FLNC: variants seen among roughly 807,000 people sequenced by gnomAD.
The protein encoded by FLNC is filamin C.
FLNC carries 91 observed loss-of-function variants against 254.3 expected under a neutral mutation model. That is an observed-to-expected ratio of 0.36 (90% CI 0.30 to 0.43). FLNC has a LOEUF of 0.43. Among genes scored for constraint, FLNC ranks in the 20% least tolerant of loss-of-function variants. The probability of loss-of-function intolerance (pLI) is 1.00; values close to 1 mark genes in which losing one functional copy is unlikely to be tolerated. For missense variants in FLNC, 2,853 were observed against 3,802.6 expected, an observed-to-expected ratio of 0.75 and a Z score of 6.57; for synonymous variants, 1,430 against 1,577.2, an observed-to-expected ratio of 0.91 and a Z score of 2.21.
rs1263136940 is a variant in FLNC, at chr7:128,837,154, C to G, written c.602-6C>G. The G allele has an allele frequency of 6.3e-7, 1 of 1,589,486 alleles. No homozygotes were observed. ...TCACCATCGTCTCCCTCCATCACCT[C>G]TCCAGGTCTCTGCCCCGACTGGGAG... On this transcript the variant is annotated splice_polypyrimidine_tract_variant and splice_region_variant and intron_variant, in intron 2 of 47. Coordinates refer to ENST00000325888, the MANE Select transcript of FLNC (RefSeq NM_001458.5).
chr7:128,837,333 G>A (rs2128934108), intron 3 of FLNC, 65 bp from the exon 4 acceptor site: 1 of 1,611,808 alleles, frequency 6.2e-7, no homozygotes, highest in Non-Finnish European at 8.5e-7. Flanking sequence ...TGGCCAGGGT[G>A]CAGGGGGAGA....
At position 128,852,917 on chromosome 7, in the gene FLNC, C is replaced by G. The variant is rs773543205; in HGVS notation, c.6094C>G (p.Leu2032Val). Residue 2032 changes from leucine (L) to valine (V), a missense_variant, in exon 37 of 48, where the codon CTG (leucine) becomes GTG (valine). This residue lies in a region of FLNC where 551 missense variants were observed against 835.0 expected (regional missense o/e 0.66). Coordinates refer to ENST00000325888, the MANE Select transcript of FLNC (RefSeq NM_001458.5). ...TGTCACCAACAGCCCCTTCAAGATC[C>G]TGGTGGGGCCATCTGAGATCGGGGA... is the stretch of plus-strand genomic sequence containing the variant. ...KHVTNSPFKI[L>V]VGPSEIGDAS... 11 of 1,613,702 alleles carry G rather than the reference C, an allele frequency of 6.8e-6. No individual in the cohort carries two copies. The highest frequency in any genetic ancestry group is 9.3e-6 in the Non-Finnish European group (11 of 1,180,022).
Position 128,848,673 on chromosome 7 carries a change from G to A in FLNC, c.4693G>A (p.Asp1565Asn), listed in dbSNP as rs1808669689. 5.0e-6 allele frequency: 8 copies of A among 1,613,278 alleles called. No individual in the cohort carries two copies. Among genetic ancestry groups the A allele is most frequent in the South Asian group, 2.2e-5 (2 of 91,074 alleles). ...CAGCCTGCCTGTGGAGTTCACCATC[G>A]ACGCACGGGACGCGGGCGAGGGGTT... ...PASLPVEFTI[D>N]ARDAGEGLLT... Residue 1565 changes from aspartate (D) to asparagine (N), a missense_variant, in exon 27 of 48, where the codon GAC (aspartate) becomes AAC (asparagine). Physicochemically the swap from Asp to Asn is conservative, Grantham distance 23. Around this residue, in one of 10 missense-constraint regions of FLNC, gnomAD observed 1,573 missense variants for 1,883.5 expected, o/e 0.84. Transcript: ENST00000325888.
Position 128,852,660 on chromosome 7 carries a change from A to C in FLNC, c.5912A>C (p.Glu1971Ala). ...ACGGACGTGTCACTGAAGATCACCGAGAGTGATCTGAGCCAGCTGACCGCC... is the reference window on the plus strand; with the variant it reads ...ACGGACGTGTCACTGAAGATCACCGCGAGTGATCTGAGCCAGCTGACCGCC... ...TSTDVSLKIT[E>A]SDLSQLTASI... is the part of the protein sequence containing the mutation. The change falls in exon 36 of 48, where the codon GAG becomes GCG. Residue 1971 changes from glutamate (E) to alanine (A), a missense_variant. Physicochemically the swap from Glu to Ala is moderately radical, Grantham distance 107. Around this residue, in one of 10 missense-constraint regions of FLNC, gnomAD observed 551 missense variants for 835.0 expected, o/e 0.66. Coordinates refer to ENST00000325888, the MANE Select transcript of FLNC (RefSeq NM_001458.5). 1 of 1,613,186 alleles carries C rather than the reference A, an allele frequency of 6.2e-7. No homozygotes were observed. Among genetic ancestry groups the C allele is most frequent in the South Asian group, 1.1e-5 (1 of 91,066 alleles).
chr7:128,850,291 T>G, intron 31 of FLNC, 93 bp from the exon 32 acceptor site: 1 of 1,137,450 alleles, frequency 8.8e-7, no homozygotes. Flanking sequence ...ATTAACTACC[T>G]TGTTCTTTCC....
Position 128,850,881 on chromosome 7 carries a change from A to G in FLNC, c.5477A>G (p.Tyr1826Cys), listed in dbSNP as rs756197388. 3.2e-5 allele frequency: 51 copies of G among 1,613,356 alleles called. No individual in the cohort carries two copies. The highest frequency in any genetic ancestry group is 4.1e-5 in the Non-Finnish European group (48 of 1,179,950). The change falls in exon 33 of 48, where the codon TAT becomes TGT. Residue 1826 changes from tyrosine (Y) to cysteine (C), a missense_variant. Coordinates refer to ENST00000325888, the MANE Select transcript of FLNC (RefSeq NM_001458.5). The stretch of plus-strand genomic sequence containing the variant: ...AAGGACGGCACCATCACGGTGAGGT[A>G]TGCACCCACTGAGAAAGGCCTGCAC... ...DNKDGTITVR[Y>C]APTEKGLHQM...
chr7:128,856,948 G>T lies in FLNC; in HGVS notation c.7561+27G>T, dbSNP rs1230578418. On this transcript the variant is annotated intron_variant, in intron 45 of 47. Coordinates refer to ENST00000325888, the MANE Select transcript of FLNC (RefSeq NM_001458.5). The surrounding 1 kb of genome is among the most constrained non-coding windows in gnomAD (Gnocchi z 5.9). The stretch of plus-strand genomic sequence containing the variant: ...TGAGTGCCTGGAGCTGGGGAACAGG[G>T]TGACTTCTGGGGGTGCTTGGCCACT... The T allele has an allele frequency of 6.2e-7, 1 of 1,611,932 alleles. No individual in the cohort carries two copies. The highest frequency in any genetic ancestry group is 8.5e-7 in the Non-Finnish European group (1 of 1,178,640).
chr7:128,833,115 G>GC (rs1386884098), intron 1 of FLNC, among the ~76,000 whole-genome samples: 1 of 152,198 alleles, frequency 6.6e-6, no homozygotes, highest in Non-Finnish European at 1.5e-5. Flanking sequence ...AAGGAGCTGT[G>GC]CCCTTCATAT....
Position 128,856,476 on chromosome 7 carries a change from C to A in FLNC, c.7252-42C>A. 6.2e-7 allele frequency: 1 copy of A among 1,606,180 alleles called. No homozygotes were observed. The stretch of plus-strand genomic sequence containing the variant: ...GGCTTCAGAGAAGACTGCTCCAGCC[C>A]CGGCCTCCCAGGAGTCTGAGCATCC... On this transcript the variant is annotated intron_variant, in intron 43 of 47. Coordinates refer to ENST00000325888, the MANE Select transcript of FLNC (RefSeq NM_001458.5). The surrounding 1 kb of genome is among the most constrained non-coding windows in gnomAD (Gnocchi z 5.9).
Position 128,852,636 on chromosome 7 carries a change from C to A in FLNC, c.5888C>A (p.Thr1963Lys), listed in dbSNP as rs772580545. The A allele has an allele frequency of 1.9e-6, 3 of 1,613,312 alleles. No individual in the cohort carries two copies. The highest frequency in any genetic ancestry group is 2.5e-6 in the Non-Finnish European group (3 of 1,180,020). ...RTSQLNVGTS[T>K]DVSLKITESD... ...TCACAGCTGAATGTGGGCACCTCCA[C>A]GGACGTGTCACTGAAGATCACCGAG... Residue 1963 changes from threonine to lysine, a missense_variant, in exon 36 of 48, where the codon ACG (threonine) becomes AAG (lysine). Thr to Lys is a moderately conservative substitution (Grantham distance 78, BLOSUM62 -1). Transcript: ENST00000325888.
chr7:128,848,218 CG>C (rs1425057877), intron 26 of FLNC, 150 bp downstream of exon 26: 3 of 1,069,164 alleles, frequency 2.8e-6, no homozygotes, highest in Non-Finnish European at 4.2e-6. Flanking sequence ...CGCTCTTCCC[CG>C]GGGCTCTCTG....
chr7:128,852,640 C>T lies in FLNC; in HGVS notation c.5892C>T (p.Asp1964=), dbSNP rs747546440. The T allele has an allele frequency of 6.3e-5, 101 of 1,613,164 alleles. No homozygotes were observed. The Admixed American group carries it at 7.5e-4, about 12-fold the overall frequency. The part of the protein sequence containing the change: ...TSQLNVGTST[D]VSLKITESDL... ...AGCTGAATGTGGGCACCTCCACGGA[C>T]GTGTCACTGAAGATCACCGAGAGTG... is the stretch of plus-strand genomic sequence containing the variant. Residue 1964 remains aspartate (D), a synonymous_variant, in exon 36 of 48, where the codon GAC becomes GAT. Coordinates refer to ENST00000325888, the MANE Select transcript of FLNC (RefSeq NM_001458.5).
In FLNC at chr7:128,854,213, G is replaced by A. The variant is rs1265897548; in HGVS notation, c.6724G>A (p.Glu2242Lys). The A allele has an allele frequency of 6.2e-6, 10 of 1,607,084 alleles. No individual in the cohort carries two copies. Among genetic ancestry groups the A allele is most frequent in the Middle Eastern group, 1.6e-4 (1 of 6,062 alleles). ...GSFGSITRQQ[E>K]GEASSQDMTA... The stretch of plus-strand genomic sequence containing the variant: ...CTTCGGCAGCATCACCCGGCAGCAG[G>A]AGGGTGAGCACCGCACACTGGGCCG... Residue 2242 changes from glutamate to lysine, a missense_variant, in exon 40 of 48, where the codon GAG becomes AAG. Coordinates refer to ENST00000325888, the MANE Select transcript of FLNC (RefSeq NM_001458.5).
rs777626362 is a variant in FLNC, at chr7:128,858,486, G to A, written c.8141G>A (p.Ser2714Asn). 1.2e-6 allele frequency: 2 copies of A among 1,613,794 alleles called. No individual in the cohort carries two copies. Among genetic ancestry groups the A allele is most frequent in the East Asian group, 2.2e-5 (1 of 44,880 alleles). ...CTCATTGTCAAGTGGGGTGACGAAA[G>A]TGTCCCTGGAAGCCCCTTCAAAGTC... The part of the protein sequence containing the change: ...YILIVKWGDE[S>N]VPGSPFKVKV... The change falls in exon 48 of 48, where the codon AGT becomes AAT. Residue 2714 changes from serine to asparagine, a missense_variant. Ser to Asn is a conservative substitution (Grantham distance 46). Coordinates refer to ENST00000325888, the MANE Select transcript of FLNC (RefSeq NM_001458.5). This position sits in a 1 kb window ranked among gnomAD's most constrained non-coding sequence, Gnocchi z 6.7.
chr7:128,854,215 G>A lies in FLNC; in HGVS notation c.6726G>A (p.Glu2242=). The A allele has an allele frequency of 1.2e-6, 2 of 1,606,752 alleles. No homozygotes were observed. Among genetic ancestry groups the A allele is most frequent in the Middle Eastern group, 1.7e-4 (1 of 6,036 alleles). The change falls in exon 40 of 48, where the codon GAG becomes GAA. Residue 2242 remains glutamate, a splice_region_variant and synonymous_variant. Coordinates refer to ENST00000325888, the MANE Select transcript of FLNC (RefSeq NM_001458.5). ...GSFGSITRQQ[E]GEASSQDMTA... is the part of the protein sequence containing the mutation. The stretch of plus-strand genomic sequence containing the variant: ...TCGGCAGCATCACCCGGCAGCAGGA[G>A]GGTGAGCACCGCACACTGGGCCGGC...
chr7:128,842,373 G>A lies in FLNC; in HGVS notation c.2264G>A (p.Arg755Gln), dbSNP rs781101985. 9 of 1,613,240 alleles carry A rather than the reference G, an allele frequency of 5.6e-6. No homozygotes were observed. The highest frequency in any genetic ancestry group is 5.3e-5 in the African/African-American group (4 of 74,916). Residue 755 changes from arginine (R) to glutamine (Q), a missense_variant and splice_region_variant, in exon 14 of 48, where the codon CGG becomes CAG. Physicochemically the swap from Arg to Gln is conservative, Grantham distance 43. Transcript: ENST00000325888. The surrounding 1 kb of genome is among the most constrained non-coding windows in gnomAD (Gnocchi z 5.4). ...GTAAACGTGCCCAAGAGCCCCTTCC[G>A]GGTGCGTCCTCCCGGCCTGCCCCGT... ...GGVNVPKSPF[R>Q]VNVGEGSHPE...
intron 1 of FLNC, 75 bp downstream of exon 1, chr7:128,831,064 T>A (rs1585148053): frequency 7.0e-7 from 1 of 1,425,958 alleles, no homozygotes; most frequent in East Asian, 2.3e-5. Context: ...AGGTGCGGGG[T>A]GGGCGCGCGG....
intron 23 of FLNC, 120 bp from the exon 24 acceptor site, chr7:128,846,625 G>A (rs1048173064): frequency 3.3e-5 from 44 of 1,350,974 alleles, no homozygotes; most frequent in South Asian, 2.1e-4. Flanking sequence ...CCTGTAGCTC[G>A]TTTCTCCTCA....
At position 128,838,726 on chromosome 7, in the gene FLNC, A is replaced by T. The variant is rs1333324128; in HGVS notation, c.1334A>T (p.Glu445Val). 6.2e-7 allele frequency: 1 copy of T among 1,612,928 alleles called. No homozygotes were observed. The highest frequency in any genetic ancestry group is 8.5e-7 in the Non-Finnish European group (1 of 1,180,002). ...CGCTGCACATACAGACCTGCCATGG[A>T]GGGGCCACATACCGTGCATGTGGCC... The part of the protein sequence containing the change: ...TFRCTYRPAM[E>V]GPHTVHVAFA... Residue 445 changes from glutamate to valine, a missense_variant, in exon 8 of 48, where the codon GAG becomes GTG. Around this residue, in one of 10 missense-constraint regions of FLNC, gnomAD observed 1,573 missense variants for 1,883.5 expected, o/e 0.84. Coordinates refer to ENST00000325888, the MANE Select transcript of FLNC (RefSeq NM_001458.5).
Sources: allele counts gnomAD v4.1 joint callset (sites outside exome capture counted in the v4.1 genomes callset), GRCh38; gene constraint gnomAD v4.1.1; regional missense constraint gnomAD v4.1.1; non-coding constraint Gnocchi (gnomAD v3.1); transcripts MANE v1.5; gene names NCBI Gene and HGNC (gene_info 2026-07-23, HGNC 2026-07-21).